The following PLAAT3 variants were observed in gnomAD, a reference collection of about 807,000 sequenced individuals.
The protein encoded by PLAAT3 is phospholipase A and acyltransferase 3, also known as Ca-independent phospholipase A1/2.
Under a neutral mutation model 16.7 loss-of-function variants are expected in PLAAT3, and 21 were observed. The ratio of observed to expected loss-of-function variants is 1.26; its 90% confidence interval spans 0.89 to 1.81. PLAAT3 has a LOEUF of 1.81. PLAAT3 is among the 40% of genes most tolerant of loss of function. The pLI is 0.00. For missense variants in PLAAT3, 219 were observed against 213.7 expected (o/e 1.02, Z -0.16); for synonymous variants, 76 against 81.7 (o/e 0.93, Z 0.38).
chr11:63,575,038 A>G lies in PLAAT3; in HGVS notation c.396T>C (p.Asp132=), dbSNP rs746110871. Residue 132 remains aspartate, a synonymous_variant, in exon 5 of 5, where the codon GAT becomes GAC. Transcript: ENST00000415826. ...YGVARSDQVR[D]VIIAASVAGM... is the part of the protein sequence containing the mutation. ...CTGCAACGCTTGCAGCGATGATGAC[A>G]TCTCTGACCTGCAACAAAGAAGAGG... The G allele has an allele frequency of 6.2e-7, 1 of 1,609,188 alleles. No homozygotes were observed. Among genetic ancestry groups the G allele is most frequent in the South Asian group, 1.1e-5 (1 of 90,968 alleles).
At chr11:63,599,196 C>CT (rs1938364080) in intron 2 of PLAAT3, among the ~76,000 whole-genome samples, 1 of 152,198 alleles carries the variant, frequency 6.6e-6, no homozygotes, top group African/African-American at 2.4e-5. Flanking sequence ...TTCAGAACAC[C>CT]TAGAGACAGA....
At chr11:63,597,154 C>T (rs1350018513) in intron 3 of PLAAT3, among the ~76,000 whole-genome samples, 1 of 151,990 alleles carries the variant, frequency 6.6e-6, no homozygotes, top group African/African-American at 2.4e-5. Context: ...ACCTGCCTTG[C>T]TTCCCCTTCA....
intron 4 of PLAAT3, among the ~76,000 whole-genome samples, chr11:63,577,923 A>G (rs1384571952): frequency 6.6e-6 from 1 of 152,160 alleles, no homozygotes; most frequent in Non-Finnish European, 1.5e-5. Flanking sequence ...AGTTAAGGAA[A>G]TCTCTCAAAA....
In PLAAT3 at chr11:63,612,768, TCA is replaced by T. The variant is rs542558593; in HGVS notation, c.15+1230_15+1231del. ...TCCATTTTTTTTCCTGCTTTTGCAC[TCA>T]CATTTACTTTTTCATTTTTAATTTT... On this transcript the variant is annotated intron_variant, in intron 2 of 4. Transcript: ENST00000415826. Among the ~76,000 whole-genome samples, 6 of 152,344 alleles carry T rather than the reference TCA, an allele frequency of 3.9e-5. No individual in the cohort carries two copies. In the South Asian group the frequency reaches 8.3e-4, roughly 21 times the overall value.
intron 3 of PLAAT3, among the ~76,000 whole-genome samples, chr11:63,593,901 A>T (rs1399708313): frequency 6.6e-6 from 1 of 152,074 alleles, no homozygotes; most frequent in Non-Finnish European, 1.5e-5. Context: ...CTTTCAAACA[A>T]TCACACCACC....
Position 63,590,119 on chromosome 11 carries a change from C to G in PLAAT3, c.368G>C (p.Gly123Ala). Residue 123 changes from glycine to alanine, a missense_variant, in exon 4 of 5, where the codon GGA (glycine) becomes GCA (alanine). Gly to Ala is a moderately conservative substitution (Grantham distance 60, BLOSUM62 0). Transcript: ENST00000415826. ...ACGCACCTGGTCACTGCGGGCGACT[C>G]CATAGCGCAGCTCATTCACAAAGTG... is the stretch of plus-strand genomic sequence containing the variant. ...CEHFVNELRY[G>A]VARSDQVRDV... 1 of 1,614,128 alleles carries G rather than the reference C, an allele frequency of 6.2e-7. No homozygotes were observed. Among genetic ancestry groups the G allele is most frequent in the South Asian group, 1.1e-5 (1 of 91,080 alleles).
Position 63,600,583 on chromosome 11 carries a change from G to GTTTTTT in PLAAT3, c.16-2426_16-2421dup, listed in dbSNP as rs1555045453. Reference sequence around the variant, plus strand: ...TCTTCTACATCTTCATGGTTTTTTTGTTTTTTTTGTTTTGTTTTGTTTTGT... The same window carrying GTTTTTT: ...TCTTCTACATCTTCATGGTTTTTTTGTTTTTTTTTTTTTTGTTTTGTTTTGTTTTGT... On this transcript the variant is annotated intron_variant, in intron 2 of 4. Transcript: ENST00000415826. Among the ~76,000 whole-genome samples, 251 of 132,708 alleles carry GTTTTTT rather than the reference G, an allele frequency of 1.9e-3. 3 individuals carry two copies. The highest frequency in any genetic ancestry group is 7.3e-4 in the Non-Finnish European group (45 of 61,686). The allele number at this position is 132,708 out of a possible 152,430, so 87.1% of individuals were successfully genotyped here.
At chr11:63,603,703 T>TACACACACAC (rs67821162) in intron 2 of PLAAT3, among the ~76,000 whole-genome samples, 5 of 117,020 alleles carry the variant, frequency 4.3e-5, no homozygotes, top group Non-Finnish European at 6.8e-5. Context: ...TAAATTATCC[T>TACACACACAC]ACACACACAC....
intron 4 of PLAAT3, among the ~76,000 whole-genome samples, chr11:63,578,630 C>T (rs1937694003): frequency 6.6e-6 from 1 of 151,698 alleles, no homozygotes; most frequent in African/African-American, 2.4e-5. Context: ...GAAAGGATTC[C>T]CTATTTAATA....
At chr11:63,613,794 C>T (rs540979608) in intron 2 of PLAAT3, among the ~76,000 whole-genome samples, 1 of 152,372 alleles carries the variant, frequency 6.6e-6, no homozygotes, top group South Asian at 2.1e-4. Context: ...GCCCCCACAC[C>T]GGCCCCCGGA....
intron 2 of PLAAT3, chr11:63,598,669 G>A (rs780032649): frequency 2.1e-5 from 11 of 517,868 alleles, no homozygotes; most frequent in African/African-American, 2.1e-4. Flanking sequence ...TGACCATCAG[G>A]AAACACCACC....
At chr11:63,589,262 C>T (rs1938068998) in intron 4 of PLAAT3, among the ~76,000 whole-genome samples, 1 of 151,774 alleles carries the variant, frequency 6.6e-6, no homozygotes. Flanking sequence ...CCACACTGAC[C>T]AGGGAAGAAG....
At chr11:63,591,785 C>A (rs561403572) in intron 3 of PLAAT3, among the ~76,000 whole-genome samples, 2 of 152,348 alleles carry the variant, frequency 1.3e-5, no homozygotes, top group Admixed American at 6.5e-5. Context: ...CTTATTGGAG[C>A]CCTGCGTTTG....
At chr11:63,602,070 G>A (rs942209338) in intron 2 of PLAAT3, among the ~76,000 whole-genome samples, 2 of 150,612 alleles carry the variant, frequency 1.3e-5, no homozygotes, top group African/African-American at 4.9e-5. Context: ...GGCAGATCAC[G>A]TGAAGTCAGA....
intron 4 of PLAAT3, 110 bp downstream of exon 4, chr11:63,589,990 T>C (rs1453134683): frequency 2.4e-6 from 2 of 843,190 alleles, no homozygotes; most frequent in Non-Finnish European, 1.7e-6. Flanking sequence ...AGGGCAGTAA[T>C]TCTGTCTCTG....
At chr11:63,616,859 T>TCA (rs1938887522), upstream of PLAAT3, 1 of 151,862 alleles carries the variant, frequency 6.6e-6, no homozygotes, top group Admixed American at 6.6e-5. Context: ...GGCGGGTGCC[T>TCA]GTAGTCCCAG....
At chr11:63,607,907 C>A (rs1205146450) in intron 2 of PLAAT3, among the ~76,000 whole-genome samples, 1 of 151,876 alleles carries the variant, frequency 6.6e-6, no homozygotes, top group Non-Finnish European at 1.5e-5. Flanking sequence ...CCCAGGTGGG[C>A]CGGGCACAGT....
intron 2 of PLAAT3, among the ~76,000 whole-genome samples, chr11:63,610,739 T>A (rs767868302): frequency 6.6e-6 from 1 of 152,046 alleles, no homozygotes; most frequent in Non-Finnish European, 1.5e-5. Context: ...AATTTCCTCA[T>A]ATTATGGAGC....
intron 4 of PLAAT3, among the ~76,000 whole-genome samples, chr11:63,588,498 T>G (rs1168459328): frequency 6.6e-6 from 1 of 152,142 alleles, no homozygotes; most frequent in Non-Finnish European, 1.5e-5. Flanking sequence ...CATCACCTTT[T>G]TAACCTGACA....
Sources: gnomAD v4.1 joint callset for allele counts (sites outside exome capture counted in the v4.1 genomes callset) on GRCh38, gnomAD v4.1.1 for gene constraint, MANE v1.5 for transcripts, NCBI Gene and HGNC (gene_info 2026-07-23, HGNC 2026-07-21) for gene names.